Variants in FLNB observed in about 807,000 individuals in gnomAD.
FLNB encodes filamin-B.
Under a neutral mutation model 250.6 loss-of-function variants are expected in FLNB, and 111 were observed. That is an observed-to-expected ratio of 0.44 (90% CI 0.38 to 0.52). FLNB has a LOEUF of 0.52. Ranked by LOEUF, FLNB falls within the 20% of genes least tolerant of loss-of-function variation. FLNB has a pLI of 0.00. For synonymous variants in FLNB, 1,302 were observed against 1,372.1 expected, an observed-to-expected ratio of 0.95 and a Z score of 1.13; for missense variants, 2,869 against 3,447.8, an observed-to-expected ratio of 0.83 and a Z score of 4.20.
At chr3:58,038,337 T>C (rs1224465879) in intron 1 of FLNB, among the ~76,000 whole-genome samples, 1 of 152,084 alleles carries the variant, frequency 6.6e-6, no homozygotes, top group Non-Finnish European at 1.5e-5. Context: ...CCTGTTCTTA[T>C]TGTTAAAAAG....
intron 1 of FLNB, among the ~76,000 whole-genome samples, chr3:58,074,197 T>G (rs1239204789): frequency 6.6e-6 from 1 of 152,154 alleles, no homozygotes; most frequent in African/African-American, 2.4e-5. Context: ...ACCTACGAAT[T>G]TATTGGAAAT....
In FLNB at chr3:58,142,005, C is replaced by CAATCCCAGAAGCAGA; in HGVS notation, c.5181+76_5181+77insAATCCCAGAAGCAGA. On this transcript the variant is annotated intron_variant, in intron 30 of 45. Coordinates refer to ENST00000295956, the MANE Select transcript of FLNB (RefSeq NM_001457.4). The surrounding 1 kb of genome is among the most constrained non-coding windows in gnomAD (Gnocchi z 4.3). ...ATTTCAGAAAATCTGCCATCTGCTTCTGGGATTGCTTAAGCCCTGTGGGTG... is the reference window on the plus strand; with the variant it reads ...ATTTCAGAAAATCTGCCATCTGCTTCAATCCCAGAAGCAGATGGGATTGCTTAAGCCCTGTGGGTG... 2 of 1,286,344 alleles carry CAATCCCAGAAGCAGA rather than the reference C, an allele frequency of 1.6e-6. No homozygotes were observed. The highest frequency in any genetic ancestry group is 2.3e-6 in the Non-Finnish European group (2 of 881,818). 79.7% of individuals were successfully genotyped at this position (1,286,344 alleles called of 1,614,324 possible).
chr3:58,078,074 A>G (rs1356976858), intron 2 of FLNB, among the ~76,000 whole-genome samples: 1 of 152,234 alleles, frequency 6.6e-6, no homozygotes, highest in Non-Finnish European at 1.5e-5. Context: ...TCAAAGCAGA[A>G]CTAGTGTCAG....
intron 43 of FLNB, among the ~76,000 whole-genome samples, chr3:58,166,431 A>G (rs551663890): frequency 3.4e-4 from 52 of 152,318 alleles, no homozygotes; most frequent in African/African-American, 1.2e-3. Flanking sequence ...CTCTACCAAA[A>G]AAAAAAATTT....
intron 1 of FLNB, among the ~76,000 whole-genome samples, chr3:58,041,983 G>A (rs552908990): frequency 2.1e-4 from 32 of 152,294 alleles, no homozygotes; most frequent in African/African-American, 7.2e-4. Flanking sequence ...AGAGTTTAGA[G>A]ATTTTAGCAT....
intron 4 of FLNB, among the ~76,000 whole-genome samples, chr3:58,083,598 C>T (rs1253892306): frequency 6.6e-6 from 1 of 152,028 alleles, no homozygotes; most frequent in Admixed American, 6.6e-5. Context: ...AACTCCTGGC[C>T]TCAGGTGATC....
intron 40 of FLNB, among the ~76,000 whole-genome samples, chr3:58,155,585 G>A (rs1170782919): frequency 1.3e-5 from 2 of 152,134 alleles, no homozygotes; most frequent in African/African-American, 4.8e-5. Flanking sequence ...GATTTTTAAT[G>A]GTGATGTAAG....
chr3:58,150,025 C>T, intron 37 of FLNB, 23 bp downstream of exon 37: 1 of 1,614,262 alleles, frequency 6.2e-7, no homozygotes, highest in Non-Finnish European at 8.5e-7. Context: ...CATTCCCCTC[C>T]AGGTGGGATG....
chr3:58,038,493 C>T (rs1485528934), intron 1 of FLNB, among the ~76,000 whole-genome samples: 3 of 150,950 alleles, frequency 2.0e-5, no homozygotes, highest in Non-Finnish European at 2.9e-5. Flanking sequence ...GGCTGGAGTA[C>T]GACCACTATA....
In FLNB at chr3:58,123,142, C is replaced by G. The variant is rs570950728; in HGVS notation, c.3176C>G (p.Ala1059Gly). Residue 1059 changes from alanine to glycine, a missense_variant, in exon 21 of 46, where the codon GCC becomes GGC. Physicochemically the swap from Ala to Gly is moderately conservative, Grantham distance 60. Coordinates refer to ENST00000295956, the MANE Select transcript of FLNB (RefSeq NM_001457.4). The part of the protein sequence containing the change: ...GLEGGLVGKP[A>G]EFTIDTKGAG... ...GAAGGTGGTCTCGTGGGCAAGCCTGCCGAGTTCACCATCGATACCAAAGGA... is the reference window on the plus strand; with the variant it reads ...GAAGGTGGTCTCGTGGGCAAGCCTGGCGAGTTCACCATCGATACCAAAGGA... The G allele has an allele frequency of 6.2e-7, 1 of 1,614,158 alleles. No individual in the cohort carries two copies. Among genetic ancestry groups the G allele is most frequent in the African/African-American group, 1.3e-5 (1 of 75,034 alleles).
intron 1 of FLNB, among the ~76,000 whole-genome samples, chr3:58,019,805 G>A (rs2097111077): frequency 6.6e-6 from 1 of 152,160 alleles, no homozygotes; most frequent in Admixed American, 6.5e-5. Context: ...CCCACACCGT[G>A]GAGCTCTGAC....
intron 1 of FLNB, among the ~76,000 whole-genome samples, chr3:58,049,845 C>G (rs1211977951): frequency 6.6e-6 from 1 of 152,128 alleles, no homozygotes; most frequent in Non-Finnish European, 1.5e-5. Flanking sequence ...GTTCATTAGA[C>G]TGCTCAGGGT....
At chr3:58,095,824 G>A (rs1397668195) in intron 5 of FLNB, among the ~76,000 whole-genome samples, 1 of 152,198 alleles carries the variant, frequency 6.6e-6, no homozygotes, top group African/African-American at 2.4e-5. Flanking sequence ...ACTGGGCCCT[G>A]CATTTCATAA....
In FLNB at chr3:58,134,689, T is replaced by C. The variant is rs1400331949; in HGVS notation, c.4588T>C (p.Tyr1530His). Residue 1530 changes from tyrosine (Y) to histidine (H), a missense_variant, in exon 27 of 46, where the codon TAT becomes CAT. Tyr to His is a moderately conservative substitution (Grantham distance 83, BLOSUM62 2). Coordinates refer to ENST00000295956, the MANE Select transcript of FLNB (RefSeq NM_001457.4). The stretch of plus-strand genomic sequence containing the variant: ...TGCCAGTGGCCCCGGCCTTAGTTCC[T>C]ATGGTGTGCCTGCCAGTCTACCTGT... ...VTASGPGLSSYGVPASLPVDF... is the reference protein window; with the variant it reads ...VTASGPGLSSHGVPASLPVDF... 2 of 1,614,168 alleles carry C rather than the reference T, an allele frequency of 1.2e-6. No homozygotes were observed. Among genetic ancestry groups the C allele is most frequent in the African/African-American group, 1.3e-5 (1 of 75,052 alleles).
At chr3:58,163,409 A>ATC in intron 43 of FLNB, 79 bp downstream of exon 43, 1 of 1,495,688 alleles carries the variant, frequency 6.7e-7, no homozygotes, top group South Asian at 1.1e-5. Flanking sequence ...CTCAAGCCCC[A>ATC]TGAAAGCTTT....
At position 58,109,690 on chromosome 3, in the gene FLNB, G is replaced by T. The variant is rs1274191841; in HGVS notation, c.2314G>T (p.Ala772Ser). The change falls in exon 15 of 46, where the codon GCT becomes TCT. Residue 772 changes from alanine (A) to serine (S), a missense_variant. This residue lies in a region of FLNB where 1,348 missense variants were observed against 1,466.7 expected (regional missense o/e 0.92). Transcript: ENST00000295956. ...PTHFTVDCTE[A>S]GEGDVSVGIK... ...ACACTTCACGGTGGACTGTACTGAG[G>T]CTGGGGAAGGTGAGAAAGGGCTTTG... is the stretch of plus-strand genomic sequence containing the variant. The T allele has an allele frequency of 1.9e-6, 3 of 1,614,022 alleles. No individual in the cohort carries two copies. The highest frequency in any genetic ancestry group is 2.7e-5 in the African/African-American group (2 of 74,894).
intron 1 of FLNB, among the ~76,000 whole-genome samples, chr3:58,012,820 A>G (rs1276048967): frequency 6.6e-6 from 1 of 152,206 alleles, no homozygotes; most frequent in Non-Finnish European, 1.5e-5. Flanking sequence ...AGGGTTTTGT[A>G]TGCTTTGGAT....
Position 58,119,015 on chromosome 3 carries a change from G to A in FLNB, c.2863+26G>A, listed in dbSNP as rs1296161299. 5.2e-6 allele frequency: 8 copies of A among 1,535,182 alleles called. No homozygotes were observed. In the African/African-American group the frequency reaches 5.4e-5, roughly 10 times the overall value. Reference sequence around the variant, plus strand: ...GTAAGTGCCTGAATGGAGAGCAGATGGGTTGTTGATGACCCCCCAACGTGG... The same window carrying A: ...GTAAGTGCCTGAATGGAGAGCAGATAGGTTGTTGATGACCCCCCAACGTGG... On this transcript the variant is annotated intron_variant, in intron 19 of 45. Transcript: ENST00000295956.
rs57053256 is a variant in FLNB, at chr3:58,136,746, C to CTTTTTTTTTTTTTT, written c.4861+588_4861+601dup. ...CAACTATTGACTGTCACAGGCCATTCTTTTTTTTTTTTTTTTTTTTTTTGA... is the reference window on the plus strand; with the variant it reads ...CAACTATTGACTGTCACAGGCCATTCTTTTTTTTTTTTTTTTTTTTTTTTTTTTTTTTTTTTTGA... On this transcript the variant is annotated intron_variant, in intron 28 of 45. Coordinates refer to ENST00000295956, the MANE Select transcript of FLNB (RefSeq NM_001457.4). Among the ~76,000 whole-genome samples, 42 of 79,810 alleles carry CTTTTTTTTTTTTTT rather than the reference C, an allele frequency of 5.3e-4. 12 individuals carry two copies. The highest frequency in any genetic ancestry group is 2.4e-3 in the East Asian group (5 of 2,116). The allele number at this position is 79,810 out of a possible 152,430, so 52.4% of individuals were successfully genotyped here.
Sources: gnomAD v4.1 joint callset for allele counts (sites outside exome capture counted in the v4.1 genomes callset) on GRCh38, gnomAD v4.1.1 for gene constraint, gnomAD v4.1.1 regional missense constraint, Gnocchi (gnomAD v3.1) non-coding constraint, MANE v1.5 for transcripts, NCBI Gene and HGNC (gene_info 2026-07-23, HGNC 2026-07-21) for gene names.